TAF3: variants seen among roughly 807,000 people sequenced by gnomAD.
TAF3 encodes the protein transcription initiation factor TFIID subunit 3.
A neutral mutation model predicts 80.6 loss-of-function variants in TAF3; 7 were observed. That is an observed-to-expected ratio of 0.09 (90% CI 0.05 to 0.16). TAF3 has a LOEUF of 0.16. Ranked by LOEUF, TAF3 falls within the 10% of genes least tolerant of loss-of-function variation. The probability of loss-of-function intolerance (pLI) is 1.00; values close to 1 mark genes in which losing one functional copy is unlikely to be tolerated. For synonymous variants in TAF3, 444 were observed against 446.1 expected (o/e 1.00, Z 0.06); for missense variants, 921 against 1,140.2 (o/e 0.81, Z 2.77).
chr10:7,863,736 C>T (rs1470451100), intron 2 of TAF3, among the ~76,000 whole-genome samples: 1 of 133,950 alleles, frequency 7.5e-6, no homozygotes, highest in African/African-American at 2.8e-5. Context: ...TATATATACA[C>T]ATATATATAT....
intron 2 of TAF3, among the ~76,000 whole-genome samples, chr10:7,891,230 GA>G: frequency 6.6e-6 from 1 of 152,248 alleles, no homozygotes; most frequent in Middle Eastern, 3.4e-3. Context: ...TGATATAAAG[GA>G]GTAATTTTCT....
intron 2 of TAF3, among the ~76,000 whole-genome samples, chr10:7,917,047 C>T (rs917288686): frequency 3.9e-5 from 6 of 152,198 alleles, no homozygotes; most frequent in Non-Finnish European, 7.3e-5. Context: ...AGCGAATATT[C>T]ATTGAGAACA....
chr10:7,995,773 G>A (rs961857520), intron 4 of TAF3, among the ~76,000 whole-genome samples: 4 of 152,158 alleles, frequency 2.6e-5, no homozygotes, highest in African/African-American at 7.2e-5. Flanking sequence ...ATATTAAAGA[G>A]GCAGGCCACG....
intron 2 of TAF3, among the ~76,000 whole-genome samples, chr10:7,923,216 C>A (rs1837781692): frequency 6.6e-6 from 1 of 151,924 alleles, no homozygotes; most frequent in Admixed American, 6.6e-5. Flanking sequence ...AGAAATAGAG[C>A]GGTGTCTCAT....
intron 2 of TAF3, among the ~76,000 whole-genome samples, chr10:7,939,341 A>T (rs1837954520): frequency 6.6e-6 from 1 of 152,112 alleles, no homozygotes; most frequent in Non-Finnish European, 1.5e-5. Context: ...AAATTGGAGG[A>T]TTCTCTGAAA....
chr10:7,981,209 C>A (rs1028948111), intron 4 of TAF3, among the ~76,000 whole-genome samples: 1 of 152,198 alleles, frequency 6.6e-6, no homozygotes, highest in Non-Finnish European at 1.5e-5. Flanking sequence ...ATTTCTCAAA[C>A]GTCTCTTTTG....
At chr10:7,972,776 G>A (rs968269840) in intron 3 of TAF3, among the ~76,000 whole-genome samples, 5 of 152,252 alleles carry the variant, frequency 3.3e-5, no homozygotes, top group East Asian at 1.9e-4. Context: ...TTAAGACAGC[G>A]TTGAAAACCC....
At chr10:7,925,813 G>GAAA (rs796312907) in intron 2 of TAF3, among the ~76,000 whole-genome samples, 14 of 132,524 alleles carry the variant, frequency 1.1e-4, no homozygotes, top group Non-Finnish European at 1.6e-4. Context: ...AAAAAAAAAA[G>GAAA]AAAAGAAAAG....
chr10:7,941,867 C>T (rs1837979974), intron 2 of TAF3, among the ~76,000 whole-genome samples: 1 of 152,138 alleles, frequency 6.6e-6, no homozygotes. Context: ...TGTGTTGGAT[C>T]TGGCTCTGGG....
chr10:7,991,235 A>C (rs1000642530), intron 4 of TAF3, among the ~76,000 whole-genome samples: 1 of 152,112 alleles, frequency 6.6e-6, no homozygotes, highest in African/African-American at 2.4e-5. Flanking sequence ...ATGTATATAT[A>C]ATAAGTGTGT....
chr10:7,884,510 C>G (rs988138609), intron 2 of TAF3, among the ~76,000 whole-genome samples: 1 of 151,268 alleles, frequency 6.6e-6, no homozygotes, highest in African/African-American at 2.4e-5. Flanking sequence ...TCTCAGCCTC[C>G]CGAGTAGCTA....
chr10:7,935,941 G>A, intron 2 of TAF3, among the ~76,000 whole-genome samples: 1 of 152,302 alleles, frequency 6.6e-6, no homozygotes, highest in East Asian at 1.9e-4. Context: ...GCCCTGCGTG[G>A]AGGAGTAGAG....
chr10:7,874,542 T>C (rs914307717), intron 2 of TAF3, among the ~76,000 whole-genome samples: 2 of 152,112 alleles, frequency 1.3e-5, no homozygotes, highest in Non-Finnish European at 2.9e-5. Flanking sequence ...GGCCTAAATA[T>C]ATAAATAAGC....
At chr10:7,927,563 A>C (rs1164812413) in intron 2 of TAF3, among the ~76,000 whole-genome samples, 1 of 152,214 alleles carries the variant, frequency 6.6e-6, no homozygotes, top group Non-Finnish European at 1.5e-5. Context: ...ACGTGGAATC[A>C]GAATATTTTA....
rs140120206 is a variant in TAF3, at chr10:7,930,646, C to T, written c.410-33274C>T. ...TAAGGGAAAAGTACCTGAGTACAGT[C>T]ATCAATATTTTTAAGCGCCATTTGA... On this transcript the variant is annotated intron_variant, in intron 2 of 6. Transcript: ENST00000344293. Among the ~76,000 whole-genome samples, 921 of 152,196 alleles carry T rather than the reference C, an allele frequency of 6.1e-3. 9 individuals carry two copies. The highest frequency in any genetic ancestry group is 0.021 in the African/African-American group (866 of 41,536).
intron 2 of TAF3, among the ~76,000 whole-genome samples, chr10:7,917,834 G>T (rs1200585863): frequency 3.9e-5 from 6 of 152,204 alleles, no homozygotes; most frequent in Admixed American, 3.9e-4. Flanking sequence ...TGGACCATTG[G>T]ATTTGGCAAG....
chr10:7,998,721 C>T (rs1236245532), intron 4 of TAF3, among the ~76,000 whole-genome samples: 17 of 151,966 alleles, frequency 1.1e-4, no homozygotes, highest in Admixed American at 1.1e-3. Flanking sequence ...TGCCCTCAAT[C>T]CCAGCTACTC....
intron 2 of TAF3, among the ~76,000 whole-genome samples, chr10:7,940,731 G>C (rs1837968198): frequency 6.6e-6 from 1 of 152,154 alleles, no homozygotes; most frequent in Non-Finnish European, 1.5e-5. Flanking sequence ...GAGATGGGAG[G>C]ATCATTTGAG....
At chr10:8,001,295 A>G (rs1226966762) in intron 4 of TAF3, among the ~76,000 whole-genome samples, 1 of 152,158 alleles carries the variant, frequency 6.6e-6, no homozygotes, top group Non-Finnish European at 1.5e-5. Flanking sequence ...GGTGTTGTCA[A>G]TCTTTTTCAT....
Sources: allele counts gnomAD v4.1 joint callset (sites outside exome capture counted in the v4.1 genomes callset), GRCh38; gene constraint gnomAD v4.1.1; transcripts MANE v1.5; gene names NCBI Gene and HGNC (gene_info 2026-07-23, HGNC 2026-07-21).